Variants in STAG1 observed in about 807,000 individuals in gnomAD.
The protein encoded by STAG1 is STAG1 cohesin complex component, also known as cohesin subunit SA-1.
Under a neutral mutation model 170.9 loss-of-function variants are expected in STAG1, and 26 were observed. The ratio of observed to expected loss-of-function variants is 0.15; its 90% CI spans 0.11 to 0.21. STAG1 has a LOEUF of 0.21. STAG1 is among the 10% of genes least tolerant of loss of function. The pLI is 1.00. For missense variants in STAG1, 964 were observed against 1,509.5 expected (o/e 0.64, Z 5.99); for synonymous variants, 514 against 497.7 (o/e 1.03, Z -0.44).
intron 8 of STAG1, 21 bp from the exon 9 acceptor site, chr3:136,500,317 T>C (rs202105459): frequency 5.4e-6 from 8 of 1,478,028 alleles, no homozygotes; most frequent in Middle Eastern, 1.7e-4. Context: ...AAAATATATA[T>C]AAGTTGAAAT....
intron 28 of STAG1, among the ~76,000 whole-genome samples, chr3:136,355,979 A>G (rs955124870): frequency 6.6e-6 from 1 of 152,220 alleles, no homozygotes; most frequent in South Asian, 2.1e-4. Flanking sequence ...AAGTTTTCAA[A>G]CCACTCCCAC....
At chr3:136,656,139 G>A (rs1941362356) in intron 1 of STAG1, among the ~76,000 whole-genome samples, 1 of 151,464 alleles carries the variant, frequency 6.6e-6, no homozygotes, top group African/African-American at 2.4e-5. Context: ...ATTATGCTAA[G>A]TGAAATTAGC....
rs139728663 is a variant in STAG1 at position 136,738,524 on chromosome 3, G to A, written c.-84+13671C>T. On this transcript the variant is annotated intron_variant, in intron 1 of 33. Transcript: ENST00000383202. ...TAACTAGCTGGACACGGTGGCACGCGCCTGAGGTCCCAGCTACTTAGGAGG... is the reference window on the plus strand; with the variant it reads ...TAACTAGCTGGACACGGTGGCACGCACCTGAGGTCCCAGCTACTTAGGAGG... Among the ~76,000 whole-genome samples the A allele has an allele frequency of 2.3e-3, 352 of 151,962 alleles. 4 individuals carry two copies. Among genetic ancestry groups the A allele is most frequent in the Non-Finnish European group, 2.9e-3 (194 of 67,960 alleles).
At chr3:136,432,393 C>T (rs767962192) in intron 16 of STAG1, among the ~76,000 whole-genome samples, 2 of 151,792 alleles carry the variant, frequency 1.3e-5, no homozygotes, top group Non-Finnish European at 2.9e-5. Context: ...CTATTGTCTG[C>T]TTTTTTTCCT....
intron 9 of STAG1, among the ~76,000 whole-genome samples, chr3:136,485,159 T>C (rs927232468): frequency 1.2e-4 from 18 of 152,106 alleles, no homozygotes; most frequent in Admixed American, 2.0e-4. Context: ...GAATACAGTA[T>C]AAAAAGTAGC....
At position 136,706,522 on chromosome 3, in the gene STAG1, A is replaced by G. The variant is rs79699114; in HGVS notation, c.-84+45673T>C. Among the ~76,000 whole-genome samples, 172 of 152,366 alleles carry G rather than the reference A, an allele frequency of 1.1e-3. 1 individual carries two copies. The highest frequency in any genetic ancestry group is 4.0e-3 in the African/African-American group (168 of 41,590). On this transcript the variant is annotated intron_variant, in intron 1 of 33. Transcript: ENST00000383202. ...AAAAACAAATTTAACCAAGAAGGTG[A>G]AAGATTTGCAGAGAACTATAAAACA... is the stretch of plus-strand genomic sequence containing the variant.
At position 136,391,368 on chromosome 3, in the gene STAG1, CTTTTT is replaced by C. The variant is rs5852844; in HGVS notation, c.2277+7376_2277+7380del. Among the ~76,000 whole-genome samples, 18 of 124,558 alleles carry C rather than the reference CTTTTT, an allele frequency of 1.4e-4. No homozygotes were observed. The South Asian group carries it at 4.3e-3, about 30-fold the overall frequency. The allele number at this position is 124,558 out of a possible 152,430, so 81.7% of individuals were successfully genotyped here. A position where few individuals can be genotyped will look rare whatever the true frequency, so the allele number is the denominator to read the frequency against. On this transcript the variant is annotated intron_variant, in intron 22 of 33. Transcript: ENST00000383202. The stretch of plus-strand genomic sequence containing the variant: ...AGTAATAGGGCATTACTTTAGCCCT[CTTTTT>C]TTTTTTTTTTTTTTCTTTTTTTGAG...
intron 22 of STAG1, among the ~76,000 whole-genome samples, chr3:136,385,312 C>A (rs1174013797): frequency 6.6e-6 from 1 of 151,948 alleles, no homozygotes; most frequent in Non-Finnish European, 1.5e-5. Context: ...TGGTGACATG[C>A]ACCTATAGTC....
chr3:136,391,763 T>C (rs761911892), intron 22 of STAG1, among the ~76,000 whole-genome samples: 5 of 152,160 alleles, frequency 3.3e-5, no homozygotes, highest in South Asian at 2.1e-4. Flanking sequence ...TGTTTTCTGC[T>C]ACAAAGAAAA....
At chr3:136,504,118 T>C (rs1180855504) in intron 7 of STAG1, among the ~76,000 whole-genome samples, 3 of 152,342 alleles carry the variant, frequency 2.0e-5, no homozygotes, top group Middle Eastern at 6.8e-3. Context: ...TGTATTTCTA[T>C]CTACACGTAT....
intron 1 of STAG1, among the ~76,000 whole-genome samples, chr3:136,638,960 A>G (rs533296254): frequency 1.3e-5 from 2 of 152,242 alleles, no homozygotes; most frequent in East Asian, 3.9e-4. Flanking sequence ...TTTAAGCAGC[A>G]TTAAAAATGT....
intron 22 of STAG1, among the ~76,000 whole-genome samples, chr3:136,394,592 A>G (rs893402462): frequency 5.3e-5 from 8 of 151,878 alleles, no homozygotes; most frequent in African/African-American, 1.9e-4. Context: ...CCTGGGTAAT[A>G]TGGTGAAACC....
chr3:136,585,278 C>T (rs1293044434), intron 4 of STAG1, among the ~76,000 whole-genome samples: 1 of 152,088 alleles, frequency 6.6e-6, no homozygotes, highest in Non-Finnish European at 1.5e-5. Context: ...CCTGTCTCTG[C>T]TAAAATTACA....
chr3:136,468,944 T>C (rs2107806729), intron 12 of STAG1, among the ~76,000 whole-genome samples: 1 of 152,276 alleles, frequency 6.6e-6, no homozygotes, highest in East Asian at 1.9e-4. Context: ...CAACGCTTCA[T>C]GCTAAAAACT....
chr3:136,584,100 A>G (rs1937686126), intron 4 of STAG1, among the ~76,000 whole-genome samples: 1 of 152,258 alleles, frequency 6.6e-6, no homozygotes, highest in South Asian at 2.1e-4. Flanking sequence ...ATGACCATGT[A>G]ATCTGTATCA....
At chr3:136,573,919 G>A (rs564475169) in intron 4 of STAG1, among the ~76,000 whole-genome samples, 70 of 151,708 alleles carry the variant, frequency 4.6e-4, no homozygotes, top group African/African-American at 8.7e-4. Context: ...TGCAGTGAGC[G>A]GAGATCGCGC....
At chr3:136,338,963 T>A (rs931861521) in intron 32 of STAG1, among the ~76,000 whole-genome samples, 1 of 152,248 alleles carries the variant, frequency 6.6e-6, no homozygotes, top group African/African-American at 2.4e-5. Context: ...GGCTGAATTA[T>A]GTCCCTTCAA....
At position 136,540,146 on chromosome 3, in the gene STAG1, A is replaced by G. The variant is rs558765308; in HGVS notation, c.471+1973T>C. ...TGTAATAAACTTCTTAAAATAAGTTATATTTCACAATATACATGCATTTAA... is the reference window on the plus strand; with the variant it reads ...TGTAATAAACTTCTTAAAATAAGTTGTATTTCACAATATACATGCATTTAA... On this transcript the variant is annotated intron_variant, in intron 6 of 33. Transcript: ENST00000383202. 4.6e-5 allele frequency among the ~76,000 whole-genome samples: 7 copies of G among 152,314 alleles called. No individual in the cohort carries two copies. The South Asian group carries it at 1.2e-3, about 27-fold the overall frequency.
intron 12 of STAG1, among the ~76,000 whole-genome samples, chr3:136,465,792 C>CA (rs1298763331): frequency 6.6e-6 from 1 of 151,986 alleles, no homozygotes; most frequent in Non-Finnish European, 1.5e-5. Context: ...ACTATTCTAA[C>CA]AAAAACAGCA....
Sources: allele counts gnomAD v4.1 joint callset (sites outside exome capture counted in the v4.1 genomes callset), GRCh38; gene constraint gnomAD v4.1.1; transcripts MANE v1.5; gene names NCBI Gene and HGNC (gene_info 2026-07-23, HGNC 2026-07-21).